The following PCDHGB5 variants were observed in gnomAD, a reference collection of about 807,000 sequenced individuals.
PCDHGB5 encodes the protein protocadherin gamma-B5.
A neutral mutation model predicts 62.9 loss-of-function variants in PCDHGB5; 48 were observed. That is an observed-to-expected ratio of 0.76 (90% confidence interval 0.61 to 0.97). The LOEUF is 0.97. Among genes scored for constraint, PCDHGB5 ranks in the 50% least tolerant of loss-of-function variants. The probability of loss-of-function intolerance (pLI) is 0.00; values close to 1 mark genes in which losing one functional copy is unlikely to be tolerated. For synonymous variants in PCDHGB5, 474 were observed against 511.2 expected (o/e 0.93, Z 0.98); for missense variants, 1,118 against 1,198.6 (o/e 0.93, Z 0.99).
intron 1 of PCDHGB5, among the ~76,000 whole-genome samples, chr5:141,436,389 TTAAA>T (rs1385837876): frequency 6.6e-6 from 1 of 152,212 alleles, no homozygotes; most frequent in Non-Finnish European, 1.5e-5. Context: ...ATAGGCTTTA[TTAAA>T]TAGTTGTTGA....
At chr5:141,410,178 C>G in intron 1 of PCDHGB5, 2 of 1,613,890 alleles carry the variant, frequency 1.2e-6, no homozygotes, top group South Asian at 1.1e-5. Flanking sequence ...GCCACCGCCA[C>G]GCTTCATCTG....
rs1329158220 is a variant in PCDHGB5, at chr5:141,413,339, A to G, written c.2397+12815A>G. On this transcript the variant is annotated intron_variant, in intron 1 of 3. Coordinates refer to ENST00000617380, the MANE Select transcript of PCDHGB5 (RefSeq NM_018925.3). Reference sequence around the variant, plus strand: ...TCTTTCGTGGGCAACATCTCCAAGGACTTGGGTCTGGCGCCCCGGGAGCTG... The same window carrying G: ...TCTTTCGTGGGCAACATCTCCAAGGGCTTGGGTCTGGCGCCCCGGGAGCTG... The G allele has an allele frequency of 1.3e-5, 21 of 1,613,832 alleles. No individual in the cohort carries two copies. Among genetic ancestry groups the G allele is most frequent in the African/African-American group, 2.7e-5 (2 of 74,940 alleles).
intron 1 of PCDHGB5, chr5:141,430,857 A>C (rs748992376): frequency 1.9e-6 from 3 of 1,591,316 alleles, no homozygotes; most frequent in Non-Finnish European, 2.6e-6. Flanking sequence ...CAGATACGCT[A>C]TTCAGTTCCG....
At chr5:141,410,893 G>A (rs1302061377) in intron 1 of PCDHGB5, 5 of 276,602 alleles carry the variant, frequency 1.8e-5, no homozygotes, top group South Asian at 4.6e-5. Context: ...TCGCACTGTT[G>A]CCTAGGCTGG....
intron 1 of PCDHGB5, among the ~76,000 whole-genome samples, chr5:141,436,538 A>G (rs1353206648): frequency 6.6e-6 from 1 of 152,194 alleles, no homozygotes; most frequent in Admixed American, 6.5e-5. Context: ...CAAGTTATTT[A>G]ATCTCTTTGA....
chr5:141,492,071 C>T (rs992716777), intron 1 of PCDHGB5: 7 of 481,874 alleles, frequency 1.5e-5, no homozygotes, highest in African/African-American at 1.4e-4. Context: ...CTCCTAGGCG[C>T]CGGCTCCGGC....
In PCDHGB5 at chr5:141,432,582, T is replaced by A. The variant is rs1561862595; in HGVS notation, c.2397+32058T>A. 2 of 1,613,236 alleles carry A rather than the reference T, an allele frequency of 1.2e-6. No homozygotes were observed. The highest frequency in any genetic ancestry group is 1.7e-6 in the Non-Finnish European group (2 of 1,179,922). On this transcript the variant is annotated intron_variant, in intron 1 of 3. Transcript: ENST00000617380. This position sits in a 1 kb window ranked among gnomAD's most constrained non-coding sequence, Gnocchi z 6.0. ...CAGAACGCCTGGCTGTCCTACCGTC[T>A]GCTCAAGGCCAGCGAGCCGGGACTC...
At chr5:141,408,052 C>T in intron 1 of PCDHGB5, 1 of 1,283,102 alleles carries the variant, frequency 7.8e-7, no homozygotes, top group Non-Finnish European at 1.0e-6. Context: ...CACACAGAGC[C>T]TCCCGGCTGC....
In PCDHGB5 at chr5:141,409,805, C is replaced by G. The variant is rs751397816; in HGVS notation, c.2397+9281C>G. ...CGCCTTCGCGCTCACGCTGCAGGCC[C>G]GCGACCACGGCTCGCCCACGCTCAG... On this transcript the variant is annotated intron_variant, in intron 1 of 3. Coordinates refer to ENST00000617380, the MANE Select transcript of PCDHGB5 (RefSeq NM_018925.3). 8 of 1,611,512 alleles carry G rather than the reference C, an allele frequency of 5.0e-6. No individual in the cohort carries two copies. In the African/African-American group the frequency reaches 5.3e-5, roughly 11 times the overall value.
chr5:141,415,860 A>G (rs2095965840), intron 1 of PCDHGB5: 3 of 1,175,636 alleles, frequency 2.6e-6, no homozygotes, highest in Middle Eastern at 3.1e-4. Context: ...CTTGTAGTTT[A>G]TAGTGTTGTT....
intron 1 of PCDHGB5, chr5:141,415,388 G>A (rs752789407): frequency 1.2e-6 from 2 of 1,614,236 alleles, no homozygotes; most frequent in Non-Finnish European, 1.7e-6. Context: ...GGCTTGACAG[G>A]TGTGTCCGGC....
At chr5:141,434,193 T>C (rs2097677103) in intron 1 of PCDHGB5, among the ~76,000 whole-genome samples, 1 of 152,246 alleles carries the variant, frequency 6.6e-6, no homozygotes, top group Non-Finnish European at 1.5e-5. Flanking sequence ...GTAATTCCAA[T>C]GTACTTACTT....
intron 1 of PCDHGB5, chr5:141,415,641 TAAA>T: frequency 7.8e-7 from 1 of 1,280,840 alleles, no homozygotes; most frequent in African/African-American, 1.5e-5. Context: ...TTACTTTTGT[TAAA>T]AAAAAAAAGA....
At chr5:141,464,426 G>GAT (rs1287556960) in intron 1 of PCDHGB5, among the ~76,000 whole-genome samples, 1 of 151,096 alleles carries the variant, frequency 6.6e-6, no homozygotes, top group African/African-American at 2.4e-5. Flanking sequence ...TATATATATA[G>GAT]ATATATATGT....
chr5:141,402,324 A>G (rs895598623), intron 1 of PCDHGB5, among the ~76,000 whole-genome samples: 2 of 152,012 alleles, frequency 1.3e-5, no homozygotes, highest in Admixed American at 1.3e-4. Context: ...TTTTACATTT[A>G]CAAATATATA....
At chr5:141,460,864 A>C (rs1220160866) in intron 1 of PCDHGB5, among the ~76,000 whole-genome samples, 1 of 151,800 alleles carries the variant, frequency 6.6e-6, no homozygotes, top group East Asian at 1.9e-4. Flanking sequence ...AAGTTGCTGC[A>C]AAGGACATTA....
chr5:141,508,979 G>A (rs1317798009), intron 3 of PCDHGB5, among the ~76,000 whole-genome samples: 1 of 152,110 alleles, frequency 6.6e-6, no homozygotes, highest in Non-Finnish European at 1.5e-5. Context: ...GCTGGGGGTG[G>A]GGGCCAGCTG....
chr5:141,489,080 C>CCCA lies in PCDHGB5; in HGVS notation c.2398-5727_2398-5726insCCA. On this transcript the variant is annotated intron_variant, in intron 1 of 3. Coordinates refer to ENST00000617380, the MANE Select transcript of PCDHGB5 (RefSeq NM_018925.3). This position sits in a 1 kb window ranked among gnomAD's most constrained non-coding sequence, Gnocchi z 4.5. ...TCCCCTCCCCCCTGCCCACCCCCGC[C>CCCA]ACTCGGTGACTAAGAACTGCTGCAA... 3.0e-6 allele frequency: 1 copy of CCCA among 336,172 alleles called. No individual in the cohort carries two copies. The highest frequency in any genetic ancestry group is 5.5e-5 in the East Asian group (1 of 18,342). 20.8% of individuals were successfully genotyped at this position (336,172 alleles called of 1,614,324 possible).
Position 141,400,539 on chromosome 5 carries a change from T to C in PCDHGB5, c.2397+15T>C, listed in dbSNP as rs1339848826. 4.3e-6 allele frequency: 7 copies of C among 1,613,782 alleles called. No individual in the cohort carries two copies. Among genetic ancestry groups the C allele is most frequent in the African/African-American group, 4.0e-5 (3 of 74,918 alleles). On this transcript the variant is annotated intron_variant, in intron 1 of 3. Coordinates refer to ENST00000617380, the MANE Select transcript of PCDHGB5 (RefSeq NM_018925.3). ...ATCCTGAGTTGGTGAGTTTCATTTA[T>C]GTCTATTCTTTTTCATTACCCACCC...
Sources: allele counts gnomAD v4.1 joint callset (sites outside exome capture counted in the v4.1 genomes callset), GRCh38; gene constraint gnomAD v4.1.1; non-coding constraint Gnocchi (gnomAD v3.1); transcripts MANE v1.5; gene names NCBI Gene and HGNC (gene_info 2026-07-23, HGNC 2026-07-21).